Variants in VPS37A observed in about 807,000 individuals in gnomAD.
VPS37A encodes the protein vacuolar protein sorting-associated protein 37A.
Under a neutral mutation model 49.8 loss-of-function variants are expected in VPS37A, and 30 were observed. The observed-to-expected ratio is 0.60, with a 90% CI of 0.45 to 0.82. The LOEUF (loss-of-function observed/expected upper bound fraction) is 0.82. VPS37A is among the 40% of genes least tolerant of loss of function. VPS37A has a pLI of 0.00. For synonymous variants in VPS37A, 195 were observed against 160.6 expected, an observed-to-expected ratio of 1.21 and a Z score of -1.62; for missense variants, 593 against 464.4, an observed-to-expected ratio of 1.28 and a Z score of -2.55.
intron 8 of VPS37A, 24 bp from the exon 9 acceptor site, chr8:17,280,348 AAAC>A (rs1814926365): frequency 1.2e-6 from 2 of 1,602,276 alleles, no homozygotes; most frequent in Non-Finnish European, 1.7e-6. Context: ...AAATAGAATA[AAAC>A]AACCTTTTCA....
intron 4 of VPS37A, among the ~76,000 whole-genome samples, 156 bp downstream of exon 4, chr8:17,269,112 T>G (rs1813743920): frequency 6.6e-6 from 1 of 152,186 alleles, no homozygotes; most frequent in Admixed American, 6.5e-5. Flanking sequence ...TTTTACTCTT[T>G]TACCTGTTTC....
chr8:17,290,873 G>T (rs1325585980), intron 11 of VPS37A, among the ~76,000 whole-genome samples: 3 of 152,122 alleles, frequency 2.0e-5, no homozygotes, highest in Non-Finnish European at 2.9e-5. Flanking sequence ...GTCTATTCAG[G>T]GATTTGACTT....
At chr8:17,270,014 C>T (rs1017016490) in intron 4 of VPS37A, among the ~76,000 whole-genome samples, 2 of 152,082 alleles carry the variant, frequency 1.3e-5, no homozygotes, top group African/African-American at 2.4e-5. Context: ...CGGGTGCAGG[C>T]ACATTACATG....
chr8:17,256,393 G>A (rs1335308365), intron 1 of VPS37A, among the ~76,000 whole-genome samples: 1 of 131,416 alleles, frequency 7.6e-6, no homozygotes, highest in Non-Finnish European at 1.5e-5. Flanking sequence ...CTTCAGTCTT[G>A]CACGTAACTG....
At chr8:17,247,440 A>G (rs1409975098) in intron 1 of VPS37A, 71 bp downstream of exon 1, 5 of 1,512,984 alleles carry the variant, frequency 3.3e-6, no homozygotes, top group Admixed American at 4.0e-5. Flanking sequence ...AACCACCCTC[A>G]CAGCGCCTCA....
chr8:17,261,786 C>G (rs1489880788), intron 1 of VPS37A, among the ~76,000 whole-genome samples: 3 of 152,222 alleles, frequency 2.0e-5, no homozygotes, highest in Non-Finnish European at 2.9e-5. Context: ...CAAACGGTTC[C>G]TGCCCATGGT....
At chr8:17,313,854 A>G in the VPS37A span, among the ~76,000 whole-genome samples, 1 of 152,210 alleles carries the variant, frequency 6.6e-6, no homozygotes, top group Non-Finnish European at 1.5e-5. Context: ...ACTGTTGTAA[A>G]AACACAAGAC....
chr8:17,288,908 C>T (rs953466066), intron 11 of VPS37A, among the ~76,000 whole-genome samples: 1 of 152,200 alleles, frequency 6.6e-6, no homozygotes, highest in African/African-American at 2.4e-5. Context: ...TAATAATTGC[C>T]ATTCTAACTG....
chr8:17,330,833 T>A, the VPS37A span, among the ~76,000 whole-genome samples: 1 of 152,184 alleles, frequency 6.6e-6, no homozygotes, highest in East Asian at 1.9e-4. Context: ...GATTGCCTTA[T>A]TCCTAAATGG....
the VPS37A span, among the ~76,000 whole-genome samples, chr8:17,310,523 G>A: frequency 1.3e-5 from 2 of 152,136 alleles, no homozygotes; most frequent in Non-Finnish European, 2.9e-5. Flanking sequence ...TAAGGGCAGT[G>A]TGTGACTGGC....
At chr8:17,271,825 A>G (rs1331525076) in intron 4 of VPS37A, among the ~76,000 whole-genome samples, 1 of 152,138 alleles carries the variant, frequency 6.6e-6, no homozygotes, top group African/African-American at 2.4e-5. Context: ...TTAACAAAGG[A>G]TCTTCTAGCC....
At chr8:17,262,206 C>G (rs923643217) in intron 1 of VPS37A, among the ~76,000 whole-genome samples, 4 of 152,018 alleles carry the variant, frequency 2.6e-5, no homozygotes, top group African/African-American at 9.7e-5. Context: ...GTGACTGATC[C>G]TCATATTTGA....
chr8:17,275,025 A>T (rs1814383095), intron 5 of VPS37A, 67 bp downstream of exon 5: 2 of 1,414,724 alleles, frequency 1.4e-6, no homozygotes, highest in African/African-American at 1.4e-5. Context: ...CACCTTTATT[A>T]CATGCCTCTG....
the VPS37A span, among the ~76,000 whole-genome samples, chr8:17,314,071 G>C: frequency 6.6e-6 from 1 of 152,168 alleles, no homozygotes; most frequent in Non-Finnish European, 1.5e-5. Flanking sequence ...ACTAAGGCAG[G>C]TGTATAAACA....
In VPS37A at chr8:17,280,261, C is replaced by A; in HGVS notation, c.864C>A (p.Pro288=). Residue 288 remains proline (P), a synonymous_variant, in exon 8 of 12, where the codon CCC becomes CCA. Coordinates refer to ENST00000324849, the MANE Select transcript of VPS37A (RefSeq NM_152415.3). ...CAGGAAAAAATCTCCTTTTGGAGCC[C>A]AGCTTGGAAGCCAAAAGACAAACTG... The part of the protein sequence containing the change: ...ELARKNLLLE[P]SLEAKRQTVL... 1 of 1,612,606 alleles carries A rather than the reference C, an allele frequency of 6.2e-7. No homozygotes were observed. Among genetic ancestry groups the A allele is most frequent in the South Asian group, 1.1e-5 (1 of 90,790 alleles).
At chr8:17,323,409 A>G in the VPS37A span, among the ~76,000 whole-genome samples, 2 of 152,262 alleles carry the variant, frequency 1.3e-5, no homozygotes, top group South Asian at 4.1e-4. Context: ...AGCCAGGATG[A>G]ACAGGAACCA....
intron 4 of VPS37A, among the ~76,000 whole-genome samples, chr8:17,272,485 T>A (rs1814085832): frequency 6.6e-6 from 1 of 152,238 alleles, no homozygotes; most frequent in South Asian, 2.1e-4. Flanking sequence ...CCGACAAGTT[T>A]ACTTGTTTTC....
the VPS37A span, among the ~76,000 whole-genome samples, chr8:17,312,635 TGA>T: frequency 6.7e-6 from 1 of 149,522 alleles, no homozygotes; most frequent in African/African-American, 2.5e-5. Flanking sequence ...ATAAGCTCTG[TGA>T]GGGAAGAGAC....
chr8:17,293,033 C>A (rs779448379), intron 11 of VPS37A, among the ~76,000 whole-genome samples: 1 of 151,998 alleles, frequency 6.6e-6, no homozygotes. Flanking sequence ...TCCTGGATAT[C>A]CTGAAGTGTG....
Sources: gnomAD v4.1 joint callset for allele counts (sites outside exome capture counted in the v4.1 genomes callset) on GRCh38, gnomAD v4.1.1 for gene constraint, MANE v1.5 for transcripts, NCBI Gene and HGNC (gene_info 2026-07-23, HGNC 2026-07-21) for gene names.